MAN1C1: variants seen among roughly 807,000 people sequenced by gnomAD.
The protein encoded by MAN1C1 is mannosidase alpha class 1C member 1.
MAN1C1 carries 49 observed loss-of-function variants against 71.5 expected under a neutral mutation model. That is an observed-to-expected ratio of 0.69 (90% CI 0.54 to 0.87). The LOEUF is 0.87. Ranked by LOEUF, MAN1C1 falls within the 40% of genes least tolerant of loss-of-function variation. The pLI, the probability that MAN1C1 is intolerant of heterozygous loss-of-function variation, is 0.00. For missense variants in MAN1C1, 743 were observed against 835.0 expected (o/e 0.89, Z 1.36); for synonymous variants, 352 against 343.7 (o/e 1.02, Z -0.27).
chr1:25,771,951 C>G, intron 8 of MAN1C1, 179 bp downstream of exon 8: 1 of 595,886 alleles, frequency 1.7e-6, no homozygotes, highest in Non-Finnish European at 3.0e-6. Flanking sequence ...ATTTTACACC[C>G]TGCGACCCTC....
intron 2 of MAN1C1, among the ~76,000 whole-genome samples, chr1:25,689,591 G>A (rs2046279541): frequency 6.6e-6 from 1 of 152,186 alleles, no homozygotes; most frequent in Non-Finnish European, 1.5e-5. Flanking sequence ...TAGTTGGGGT[G>A]AACCCATGAG....
chr1:25,709,346 A>G (rs1278795294), intron 2 of MAN1C1, among the ~76,000 whole-genome samples: 1 of 152,238 alleles, frequency 6.6e-6, no homozygotes, highest in Non-Finnish European at 1.5e-5. Flanking sequence ...TCATAAAAAC[A>G]GCAGCTCCAG....
In MAN1C1 at chr1:25,775,207, G is replaced by T. The variant is rs911544838; in HGVS notation, c.1258-2898G>T. 6.6e-6 allele frequency among the ~76,000 whole-genome samples: 1 copy of T among 152,202 alleles called. No homozygotes were observed. The highest frequency in any genetic ancestry group is 1.9e-4 in the East Asian group (1 of 5,192). Reference sequence around the variant, plus strand: ...AGCCCTGACACTCCTCCCCTGCACCGCAGGCTTAGTGACGCCGAGCAGCTG... The same window carrying T: ...AGCCCTGACACTCCTCCCCTGCACCTCAGGCTTAGTGACGCCGAGCAGCTG... On this transcript the variant is annotated intron_variant, in intron 8 of 11. Transcript: ENST00000374332. This position sits in a 1 kb window ranked among gnomAD's most constrained non-coding sequence, Gnocchi z 5.1.
chr1:25,703,689 A>AG (rs1348407534), intron 2 of MAN1C1, among the ~76,000 whole-genome samples: 3 of 152,186 alleles, frequency 2.0e-5, no homozygotes, highest in Non-Finnish European at 2.9e-5. Context: ...CTAAAAAAAA[A>AG]GAAATGAAAG....
chr1:25,686,579 G>A (rs373137758), intron 2 of MAN1C1, 43 bp downstream of exon 2: 15 of 1,546,172 alleles, frequency 9.7e-6, no homozygotes, highest in South Asian at 8.9e-5. Flanking sequence ...GGGACCCACC[G>A]CCCCGCCAGT....
chr1:25,725,659 C>T lies in MAN1C1; in HGVS notation c.638-21009C>T, dbSNP rs1026234198. ...AATAAAGTGTCCTTGGGCCATCCCA[C>T]CTCAACTTTTCAGTGCCTGGGGATC... On this transcript the variant is annotated intron_variant, in intron 2 of 11. Coordinates refer to ENST00000374332, the MANE Select transcript of MAN1C1 (RefSeq NM_020379.4). The surrounding 1 kb of genome is among the most constrained non-coding windows in gnomAD (Gnocchi z 4.8). 1.3e-5 allele frequency among the ~76,000 whole-genome samples: 2 copies of T among 152,222 alleles called. No homozygotes were observed. Among genetic ancestry groups the T allele is most frequent in the African/African-American group, 4.8e-5 (2 of 41,458 alleles).
intron 1 of MAN1C1, among the ~76,000 whole-genome samples, chr1:25,625,384 G>T (rs1464394785): frequency 3.3e-5 from 5 of 152,064 alleles, no homozygotes; most frequent in Non-Finnish European, 7.4e-5. Context: ...ATCATATACA[G>T]AACATTTCCA....
In MAN1C1 at chr1:25,634,181, T is replaced by C. The variant is rs1324971702; in HGVS notation, c.540+15844T>C. On this transcript the variant is annotated intron_variant, in intron 1 of 11. Coordinates refer to ENST00000374332, the MANE Select transcript of MAN1C1 (RefSeq NM_020379.4). The surrounding 1 kb of genome is among the most constrained non-coding windows in gnomAD (Gnocchi z 4.6). ...AATCATGTTGTCTATGTCAAGACAG[T>C]CTTACTTCTTCCTTTACAGTTTATA... Among the ~76,000 whole-genome samples the C allele has an allele frequency of 6.6e-6, 1 of 152,234 alleles. No individual in the cohort carries two copies. The highest frequency in any genetic ancestry group is 1.5e-5 in the Non-Finnish European group (1 of 68,040).
intron 1 of MAN1C1, among the ~76,000 whole-genome samples, chr1:25,653,225 C>T (rs1185542853): frequency 6.6e-6 from 1 of 152,110 alleles, no homozygotes; most frequent in Non-Finnish European, 1.5e-5. Context: ...ACTACAGGCA[C>T]ATGCCACCAT....
At chr1:25,756,860 C>A (rs1046490474) in intron 5 of MAN1C1, among the ~76,000 whole-genome samples, 3 of 152,172 alleles carry the variant, frequency 2.0e-5, no homozygotes, top group African/African-American at 2.4e-5. Flanking sequence ...GTCCCCGTGC[C>A]TGGCACACTA....
chr1:25,738,707 C>A (rs1008710669), intron 2 of MAN1C1, among the ~76,000 whole-genome samples: 6 of 152,176 alleles, frequency 3.9e-5, no homozygotes, highest in Admixed American at 3.9e-4. Flanking sequence ...TTGGCTAGAA[C>A]CTCAGATGGG....
intron 2 of MAN1C1, among the ~76,000 whole-genome samples, chr1:25,703,907 A>G (rs2046480727): frequency 6.6e-6 from 1 of 152,134 alleles, no homozygotes; most frequent in Admixed American, 6.5e-5. Flanking sequence ...TTTGGGTAGG[A>G]CAAACCTCCA....
intron 7 of MAN1C1, among the ~76,000 whole-genome samples, chr1:25,766,756 G>T (rs778040950): frequency 1.2e-4 from 19 of 152,126 alleles, no homozygotes; most frequent in South Asian, 2.1e-4. Flanking sequence ...CAGCCCCTCG[G>T]TGCGGCACCT....
chr1:25,657,171 G>C lies in MAN1C1; in HGVS notation c.541-29269G>C, dbSNP rs1209343815. On this transcript the variant is annotated intron_variant, in intron 1 of 11. Coordinates refer to ENST00000374332, the MANE Select transcript of MAN1C1 (RefSeq NM_020379.4). The stretch of plus-strand genomic sequence containing the variant: ...GCAGGGGAAAGGTCTCCTGCCTGGG[G>C]CCCTCAGCCTTCTAAGGAGAGCCTG... Among the ~76,000 whole-genome samples the C allele has an allele frequency of 3.3e-5, 5 of 152,260 alleles. No individual in the cohort carries two copies. In the South Asian group the frequency reaches 1.0e-3, roughly 32 times the overall value.
intron 4 of MAN1C1, among the ~76,000 whole-genome samples, chr1:25,749,726 C>A (rs1242925674): frequency 6.6e-6 from 1 of 152,224 alleles, no homozygotes. Flanking sequence ...GTCCATACAT[C>A]ATCCACTCAG....
chr1:25,680,740 T>A (rs867568675), intron 1 of MAN1C1, among the ~76,000 whole-genome samples: 1 of 152,358 alleles, frequency 6.6e-6, no homozygotes. Flanking sequence ...GTTTCCACTT[T>A]TTGGTTATTA....
At chr1:25,738,158 C>T (rs2047008997) in intron 2 of MAN1C1, among the ~76,000 whole-genome samples, 1 of 152,136 alleles carries the variant, frequency 6.6e-6, no homozygotes, top group Non-Finnish European at 1.5e-5. Context: ...CTTCCAGAGG[C>T]TTCAAGAAAC....
At chr1:25,721,409 T>C (rs1372940017) in intron 2 of MAN1C1, among the ~76,000 whole-genome samples, 1 of 152,242 alleles carries the variant, frequency 6.6e-6, no homozygotes, top group Non-Finnish European at 1.5e-5. Context: ...GTTTTCCGGT[T>C]CATGAATATG....
intron 1 of MAN1C1, among the ~76,000 whole-genome samples, chr1:25,640,988 A>G (rs1268299804): frequency 2.0e-5 from 3 of 152,194 alleles, no homozygotes; most frequent in Non-Finnish European, 4.4e-5. Context: ...TGGCGCTAAT[A>G]GGAGCGGGAT....
Sources: allele counts gnomAD v4.1 joint callset (sites outside exome capture counted in the v4.1 genomes callset), GRCh38; gene constraint gnomAD v4.1.1; non-coding constraint Gnocchi (gnomAD v3.1); transcripts MANE v1.5; gene names NCBI Gene and HGNC (gene_info 2026-07-23, HGNC 2026-07-21).